Variants in FAT3 observed in about 807,000 individuals in gnomAD.
FAT3 encodes the protein FAT atypical cadherin 3, also known as protocadherin Fat 3.
FAT3 carries 95 observed loss-of-function variants against 310.2 expected under a neutral mutation model. The observed-to-expected ratio is 0.31, with a 90% CI of 0.26 to 0.36. The LOEUF is 0.36. Among genes scored for constraint, FAT3 ranks in the 10% least tolerant of loss-of-function variants. The pLI, the probability that FAT3 is intolerant of heterozygous loss-of-function variation, is 1.00. For missense variants in FAT3, 5,408 were observed against 5,715.6 expected (o/e 0.95, Z 1.74); for synonymous variants, 2,314 against 2,192.9 (o/e 1.06, Z -1.54).
At chr11:92,584,211 C>T (rs1286174040) in intron 3 of FAT3, among the ~76,000 whole-genome samples, 2 of 151,914 alleles carry the variant, frequency 1.3e-5, no homozygotes, top group African/African-American at 2.4e-5. Flanking sequence ...TCAGGTGCGC[C>T]GTTCATCCCA....
chr11:92,487,382 AT>A, intron 2 of FAT3, among the ~76,000 whole-genome samples: 1 of 152,250 alleles, frequency 6.6e-6, no homozygotes, highest in Non-Finnish European at 1.5e-5. Context: ...GAAAAGCATA[AT>A]TTTTTATCTA....
intron 2 of FAT3, among the ~76,000 whole-genome samples, chr11:92,367,653 A>C (rs996869256): frequency 6.6e-6 from 1 of 152,130 alleles, no homozygotes; most frequent in Non-Finnish European, 1.5e-5. Context: ...AACAAAAAAA[A>C]ACTGATAGTA....
At position 92,800,658 on chromosome 11, in the gene FAT3, A is replaced by T. The variant is rs1213327977; in HGVS notation, c.7645A>T (p.Asn2549Tyr). 6.2e-7 allele frequency: 1 copy of T among 1,613,808 alleles called. No homozygotes were observed. Among genetic ancestry groups the T allele is most frequent in the Admixed American group, 1.7e-5 (1 of 60,008 alleles). ...FAKDRFLIDS[N>Y]GQVITTERLD... ...CAAGGATCGATTCCTCATAGACAGC[A>T]ATGGGCAGGTCATCACCACAGAAAG... Residue 2549 changes from asparagine to tyrosine, a missense_variant, in exon 10 of 28, where the codon AAT becomes TAT. This residue lies in a region of FAT3 where 4,588 missense variants were observed against 4,809.8 expected (regional missense o/e 0.95). Transcript: ENST00000525166.
intron 3 of FAT3, among the ~76,000 whole-genome samples, chr11:92,569,156 TGTCA>T (rs2135497686): frequency 6.6e-6 from 1 of 152,280 alleles, no homozygotes; most frequent in Non-Finnish European, 1.5e-5. Flanking sequence ...TGAGACCAGG[TGTCA>T]GTCAGCCTGG....
At chr11:92,811,143 A>C (rs1222591708) in intron 13 of FAT3, among the ~76,000 whole-genome samples, 1 of 152,192 alleles carries the variant, frequency 6.6e-6, no homozygotes, top group East Asian at 1.9e-4. Context: ...CATATTAAAG[A>C]GCTTTGTGAA....
intron 4 of FAT3, among the ~76,000 whole-genome samples, chr11:92,716,816 A>G (rs1944704458): frequency 6.6e-6 from 1 of 152,308 alleles, no homozygotes; most frequent in African/African-American, 2.4e-5. Flanking sequence ...GTTTCCCTTT[A>G]TGATTGTAGT....
chr11:92,835,651 A>G (rs1316295724), intron 15 of FAT3, among the ~76,000 whole-genome samples: 3 of 152,198 alleles, frequency 2.0e-5, no homozygotes, highest in South Asian at 2.1e-4. Flanking sequence ...CCATAAATAT[A>G]TGCAACTATG....
intron 2 of FAT3, among the ~76,000 whole-genome samples, chr11:92,373,288 A>G (rs891905130): frequency 2.6e-5 from 4 of 152,190 alleles, no homozygotes; most frequent in African/African-American, 4.8e-5. Context: ...CATTAAACTT[A>G]TGAGGTAGGT....
At chr11:92,238,480 G>A (rs1184858627) in intron 1 of FAT3, among the ~76,000 whole-genome samples, 4 of 152,040 alleles carry the variant, frequency 2.6e-5, no homozygotes, top group African/African-American at 4.8e-5. Flanking sequence ...CGTTTGTATA[G>A]CAAGCAGGTT....
chr11:92,434,840 T>A, intron 2 of FAT3, among the ~76,000 whole-genome samples: 1 of 152,196 alleles, frequency 6.6e-6, no homozygotes. Context: ...ATTGGGCCCA[T>A]ATGATCTGAA....
At chr11:92,730,239 G>A (rs1945136766) in intron 4 of FAT3, among the ~76,000 whole-genome samples, 2 of 152,178 alleles carry the variant, frequency 1.3e-5, no homozygotes. Flanking sequence ...TCAGAAGGCT[G>A]ATGAGGGAGG....
chr11:92,558,364 T>C (rs1053182141), intron 3 of FAT3, among the ~76,000 whole-genome samples: 2 of 151,992 alleles, frequency 1.3e-5, no homozygotes, highest in African/African-American at 4.8e-5. Context: ...AGTGTGAGTG[T>C]GGTATGTGAT....
chr11:92,859,723 A>G (rs1213184308), intron 21 of FAT3, among the ~76,000 whole-genome samples: 2 of 152,180 alleles, frequency 1.3e-5, no homozygotes, highest in South Asian at 2.1e-4. Flanking sequence ...GTTCTTGCTC[A>G]GGGAGGAAAT....
intron 24 of FAT3, among the ~76,000 whole-genome samples, chr11:92,884,469 T>G (rs1289673802): frequency 6.6e-6 from 1 of 152,092 alleles, no homozygotes; most frequent in Non-Finnish European, 1.5e-5. Flanking sequence ...TATAACTTCA[T>G]CAGGACAAAT....
At chr11:92,635,068 G>A (rs151133247) in intron 3 of FAT3, among the ~76,000 whole-genome samples, 71 of 152,258 alleles carry the variant, frequency 4.7e-4, no homozygotes, top group African/African-American at 1.7e-3. Flanking sequence ...AAGATGGTGA[G>A]AAACGATATG....
At chr11:92,740,243 G>A (rs578093186) in intron 4 of FAT3, among the ~76,000 whole-genome samples, 3 of 152,248 alleles carry the variant, frequency 2.0e-5, no homozygotes, top group Non-Finnish European at 4.4e-5. Flanking sequence ...CCTTTTCAAT[G>A]TTTTTGGCTG....
At position 92,866,959 on chromosome 11, in the gene FAT3, C is replaced by G. The variant is rs372222951; in HGVS notation, c.11877C>G (p.Gly3959=). The G allele has an allele frequency of 4.3e-6, 7 of 1,613,046 alleles. No individual in the cohort carries two copies. Among genetic ancestry groups the G allele is most frequent in the Non-Finnish European group, 5.9e-6 (7 of 1,179,618 alleles). ...GCACTGAGAGTAGCATCTACTTCGG[C>G]GCCCTGGTGCAAGCGGATAACATCC... ...TLSTESSIYF[G]ALVQADNIRS... is the part of the protein sequence containing the mutation. The change falls in exon 22 of 28, where the codon GGC becomes GGG. Residue 3959 remains glycine (G), a synonymous_variant. Transcript: ENST00000525166.
chr11:92,313,428 G>T (rs563456245), intron 1 of FAT3, among the ~76,000 whole-genome samples: 19 of 152,214 alleles, frequency 1.2e-4, no homozygotes, highest in Non-Finnish European at 1.9e-4. Flanking sequence ...GTTTATTGTT[G>T]TATTTGTATA....
chr11:92,708,471 T>C (rs911072470), intron 4 of FAT3, among the ~76,000 whole-genome samples: 1 of 152,258 alleles, frequency 6.6e-6, no homozygotes, highest in Non-Finnish European at 1.5e-5. Context: ...TCTCTTTACC[T>C]ATAAAATTGG....
Sources: gnomAD v4.1 joint callset for allele counts (sites outside exome capture counted in the v4.1 genomes callset) on GRCh38, gnomAD v4.1.1 for gene constraint, gnomAD v4.1.1 regional missense constraint, MANE v1.5 for transcripts, NCBI Gene and HGNC (gene_info 2026-07-23, HGNC 2026-07-21) for gene names.